GPC6: variants seen among roughly 807,000 people sequenced by gnomAD.
GPC6 encodes the protein glypican 6.
Under a neutral mutation model 55.2 loss-of-function variants are expected in GPC6, and 14 were observed. The observed-to-expected ratio is 0.25, with a 90% CI of 0.17 to 0.40. GPC6 has a LOEUF of 0.40. GPC6 is among the 10% of genes least tolerant of loss of function. The probability of loss-of-function intolerance (pLI) is 1.00; values close to 1 mark genes in which losing one functional copy is unlikely to be tolerated. For synonymous variants in GPC6, 278 were observed against 259.6 expected, an observed-to-expected ratio of 1.07 and a Z score of -0.68; for missense variants, 641 against 708.5, an observed-to-expected ratio of 0.90 and a Z score of 1.08.
At chr13:93,795,619 T>C (rs1050531157) in intron 2 of GPC6, among the ~76,000 whole-genome samples, 1 of 152,202 alleles carries the variant, frequency 6.6e-6, no homozygotes, top group Non-Finnish European at 1.5e-5. Flanking sequence ...ATTATGAATG[T>C]TTGCCAAGAC....
At chr13:93,320,775 G>A (rs1026432245) in intron 1 of GPC6, among the ~76,000 whole-genome samples, 1 of 152,078 alleles carries the variant, frequency 6.6e-6, no homozygotes, top group Admixed American at 6.6e-5. Flanking sequence ...AGAAAATTCT[G>A]TAACTTTCTT....
At chr13:94,217,509 G>A (rs1292122301) in intron 4 of GPC6, among the ~76,000 whole-genome samples, 1 of 152,122 alleles carries the variant, frequency 6.6e-6, no homozygotes. Flanking sequence ...GAGAGGGCAT[G>A]ACAGCATCCC....
At chr13:93,861,236 T>C (rs542269387) in intron 3 of GPC6, among the ~76,000 whole-genome samples, 1 of 151,328 alleles carries the variant, frequency 6.6e-6, no homozygotes, top group Non-Finnish European at 1.5e-5. Flanking sequence ...AAAAAAGAAC[T>C]CTTTTGTATA....
intron 3 of GPC6, among the ~76,000 whole-genome samples, chr13:93,867,689 G>A (rs1377262911): frequency 6.6e-6 from 1 of 151,666 alleles, no homozygotes; most frequent in Non-Finnish European, 1.5e-5. Context: ...TGCTTCTCCT[G>A]CTCCACTGTG....
rs925658973 is a variant in GPC6 at position 94,406,524 on chromosome 13, A to G, written c.*3307A>G. On this transcript the variant is annotated 3_prime_UTR_variant, in exon 9 of 9. Coordinates refer to ENST00000377047, the MANE Select transcript of GPC6 (RefSeq NM_005708.5). ...ATCACCTGCTTTAAATGTAAGGGAT[A>G]GAAAATACTATTTTGTCTACACTGA... 6.6e-6 allele frequency: 1 copy of G among 152,200 alleles called. No individual in the cohort carries two copies. Among genetic ancestry groups the G allele is most frequent in the Non-Finnish European group, 1.5e-5 (1 of 68,000 alleles). The allele number at this position is 152,200 out of a possible 1,614,324, so 9.4% of individuals were successfully genotyped here.
chr13:94,375,173 C>T (rs1248118672), intron 6 of GPC6, among the ~76,000 whole-genome samples: 2 of 151,310 alleles, frequency 1.3e-5, no homozygotes, highest in Non-Finnish European at 3.0e-5. Context: ...AGAGCAAACA[C>T]ATTCAAAAGC....
chr13:93,853,430 C>T (rs187949580), intron 3 of GPC6, among the ~76,000 whole-genome samples: 1 of 151,710 alleles, frequency 6.6e-6, no homozygotes, highest in Non-Finnish European at 1.5e-5. Context: ...AAGTGTAGAA[C>T]TGAGTAAAGC....
intron 2 of GPC6, among the ~76,000 whole-genome samples, chr13:93,622,653 T>C (rs1879008320): frequency 6.6e-6 from 1 of 152,212 alleles, no homozygotes; most frequent in South Asian, 2.1e-4. Flanking sequence ...TAAGTGTACA[T>C]ATTTATGGAG....
At chr13:93,368,745 T>C (rs1881350573) in intron 1 of GPC6, among the ~76,000 whole-genome samples, 1 of 152,074 alleles carries the variant, frequency 6.6e-6, no homozygotes, top group Non-Finnish European at 1.5e-5. Flanking sequence ...CAGAAAATTA[T>C]TTAGTTAGCA....
chr13:93,802,150 GA>G (rs1250050965), intron 2 of GPC6, among the ~76,000 whole-genome samples: 1 of 152,050 alleles, frequency 6.6e-6, no homozygotes, highest in Non-Finnish European at 1.5e-5. Flanking sequence ...ATATAAAAGA[GA>G]AATCAAAGGG....
At chr13:93,869,249 T>TCAA (rs1889057008) in intron 3 of GPC6, among the ~76,000 whole-genome samples, 1 of 151,838 alleles carries the variant, frequency 6.6e-6, no homozygotes, top group East Asian at 2.0e-4. Flanking sequence ...CAGGTTCAAA[T>TCAA]CAGTATAGAA....
chr13:93,948,995 A>T (rs539026605), intron 3 of GPC6, among the ~76,000 whole-genome samples: 6 of 152,142 alleles, frequency 3.9e-5, no homozygotes, highest in Non-Finnish European at 7.3e-5. Flanking sequence ...TTATCTGAGG[A>T]GATGACAGGG....
chr13:93,764,959 C>G (rs926496868), intron 2 of GPC6, among the ~76,000 whole-genome samples: 1 of 151,964 alleles, frequency 6.6e-6, no homozygotes. Context: ...GCCACCACGT[C>G]CAGCTAATTT....
chr13:93,672,433 A>G (rs562796530), intron 2 of GPC6, among the ~76,000 whole-genome samples: 6 of 152,068 alleles, frequency 3.9e-5, no homozygotes, highest in African/African-American at 1.4e-4. Context: ...TTAAGCAAGC[A>G]TGTCAGTTCA....
chr13:94,292,723 A>T (rs1875057039), intron 5 of GPC6, among the ~76,000 whole-genome samples: 1 of 152,140 alleles, frequency 6.6e-6, no homozygotes, highest in Non-Finnish European at 1.5e-5. Context: ...TATCTAGGAG[A>T]AGGAATAGCT....
At chr13:94,239,970 A>G (rs1439438190) in intron 4 of GPC6, among the ~76,000 whole-genome samples, 1 of 152,096 alleles carries the variant, frequency 6.6e-6, no homozygotes, top group Non-Finnish European at 1.5e-5. Context: ...CTACTTTAAA[A>G]CAGCACTGAA....
At chr13:93,533,192 T>A (rs1881933392) in intron 1 of GPC6, among the ~76,000 whole-genome samples, 1 of 152,182 alleles carries the variant, frequency 6.6e-6, no homozygotes, top group Admixed American at 6.5e-5. Flanking sequence ...AACTGGAACA[T>A]ACATTTTAAA....
At chr13:93,961,277 G>A (rs1376218537) in intron 3 of GPC6, among the ~76,000 whole-genome samples, 1 of 152,090 alleles carries the variant, frequency 6.6e-6, no homozygotes, top group African/African-American at 2.4e-5. Flanking sequence ...TAACTGGCTG[G>A]CCAAACAATA....
At chr13:94,291,188 AT>A (rs1439187349) in intron 5 of GPC6, among the ~76,000 whole-genome samples, 1 of 151,960 alleles carries the variant, frequency 6.6e-6, no homozygotes, top group African/African-American at 2.4e-5. Context: ...GCAAGACTCC[AT>A]CTCAAAACAA....
Sources: gnomAD v4.1 joint callset for allele counts (sites outside exome capture counted in the v4.1 genomes callset) on GRCh38, gnomAD v4.1.1 for gene constraint, MANE v1.5 for transcripts, NCBI Gene and HGNC (gene_info 2026-07-23, HGNC 2026-07-21) for gene names.